The following EPB41L2 variants were observed in gnomAD, a reference collection of about 807,000 sequenced individuals.
The protein encoded by EPB41L2 is erythrocyte membrane protein band 4.1 like 2.
EPB41L2 carries 43 observed loss-of-function variants against 113.0 expected under a neutral mutation model. The observed-to-expected ratio is 0.38, with a 90% CI of 0.30 to 0.49. EPB41L2 has a LOEUF of 0.49. EPB41L2 is among the 20% of genes least tolerant of loss of function. The pLI is 0.95. For synonymous variants in EPB41L2, 442 were observed against 436.7 expected, an observed-to-expected ratio of 1.01 and a Z score of -0.15; for missense variants, 1,147 against 1,223.4, an observed-to-expected ratio of 0.94 and a Z score of 0.93.
intron 1 of EPB41L2, among the ~76,000 whole-genome samples, chr6:131,051,655 A>G (rs1796586352): frequency 6.6e-6 from 1 of 152,162 alleles, no homozygotes; most frequent in African/African-American, 2.4e-5. Context: ...AAGCCCTGAG[A>G]GCCTGAAGAA....
intron 14 of EPB41L2, among the ~76,000 whole-genome samples, chr6:130,877,533 G>A (rs1314244453): frequency 6.6e-6 from 1 of 152,042 alleles, no homozygotes; most frequent in Non-Finnish European, 1.5e-5. Context: ...AGTAAGTGAG[G>A]AGAAATGTTA....
chr6:131,009,452 A>G lies in EPB41L2; in HGVS notation c.-14-52953T>C, dbSNP rs962832731. ...ACCCTTAGCAATTCTCAGAAATCCT[A>G]TGAGAATTCCCTACTCAATCCACAC... On this transcript the variant is annotated intron_variant, in intron 1 of 19. Transcript: ENST00000337057. 7.9e-5 allele frequency among the ~76,000 whole-genome samples: 12 copies of G among 152,110 alleles called. 1 individual carries two copies. The highest frequency in any genetic ancestry group is 1.5e-5 in the Non-Finnish European group (1 of 68,024).
intron 15 of EPB41L2, chr6:130,867,966 ACACACACTCTCTCTCT>A (rs1490369199): frequency 2.2e-4 from 35 of 157,830 alleles, no homozygotes; most frequent in Admixed American, 4.7e-4. Flanking sequence ...ACACACACAC[ACACACACTCTCTCTCT>A]CTCTCTCTCT....
chr6:130,972,795 AGTAAGGTTTG>A (rs1432171722), intron 1 of EPB41L2, among the ~76,000 whole-genome samples: 1 of 152,140 alleles, frequency 6.6e-6, no homozygotes, highest in Non-Finnish European at 1.5e-5. Flanking sequence ...TAGCAGAAAA[AGTAAGGTTTG>A]CAGCCAGGCG....
chr6:130,844,050 G>T (rs1459006649), intron 19 of EPB41L2, among the ~76,000 whole-genome samples: 1 of 152,140 alleles, frequency 6.6e-6, no homozygotes, highest in Non-Finnish European at 1.5e-5. Context: ...TCAGTAAACT[G>T]ATTTCAAAAA....
intron 1 of EPB41L2, among the ~76,000 whole-genome samples, chr6:130,981,986 C>T (rs1283665164): frequency 6.6e-6 from 1 of 151,592 alleles, no homozygotes; most frequent in African/African-American, 2.4e-5. Flanking sequence ...TTTCAAACTA[C>T]TAAGGAATAA....
chr6:130,916,374 G>T (rs1801098136), intron 4 of EPB41L2, among the ~76,000 whole-genome samples: 1 of 151,860 alleles, frequency 6.6e-6, no homozygotes, highest in Admixed American at 6.6e-5. Context: ...CGGGTTCCCA[G>T]AAAAAGTGTT....
chr6:130,874,999 G>A (rs1185012531), intron 14 of EPB41L2, among the ~76,000 whole-genome samples: 1 of 152,126 alleles, frequency 6.6e-6, no homozygotes, highest in Admixed American at 6.5e-5. Flanking sequence ...TTATACACAT[G>A]GAGTCTAATT....
intron 3 of EPB41L2, among the ~76,000 whole-genome samples, chr6:130,943,985 T>A (rs1389239350): frequency 1.3e-5 from 2 of 152,144 alleles, no homozygotes; most frequent in Admixed American, 6.6e-5. Flanking sequence ...TCTATATGGC[T>A]CTCATGCCTA....
intron 1 of EPB41L2, among the ~76,000 whole-genome samples, chr6:130,978,097 T>G (rs1778580032): frequency 6.6e-6 from 1 of 152,242 alleles, no homozygotes; most frequent in South Asian, 2.1e-4. Flanking sequence ...CCCTTCTTTC[T>G]TTTCTCTCCT....
chr6:130,965,649 A>T (rs1262247832), intron 1 of EPB41L2, among the ~76,000 whole-genome samples: 1 of 150,524 alleles, frequency 6.6e-6, no homozygotes, highest in Non-Finnish European at 1.5e-5. Context: ...GTTATCAAAA[A>T]AAAAAAAAAA....
chr6:130,951,057 G>C (rs1463182629), intron 3 of EPB41L2, among the ~76,000 whole-genome samples: 1 of 151,966 alleles, frequency 6.6e-6, no homozygotes, highest in African/African-American at 2.4e-5. Flanking sequence ...AGGAGTTTGA[G>C]ACCAGCCTGG....
Position 130,865,599 on chromosome 6 carries a change from T to A in EPB41L2, c.2766A>T (p.Leu922Phe), listed in dbSNP as rs1305924340. ...DGGAGGDSGT[L>F]LTAQTITSES... ...CAGATGTGATGGTTTGTGCGGTCAG[T>A]AACGTGCCCGAATCACCACCAGCCC... is the stretch of plus-strand genomic sequence containing the variant. The change falls in exon 17 of 20, where the codon TTA becomes TTT. Residue 922 changes from leucine to phenylalanine, a missense_variant. Coordinates refer to ENST00000337057, the MANE Select transcript of EPB41L2 (RefSeq NM_001431.4). 7 of 1,614,158 alleles carry A rather than the reference T, an allele frequency of 4.3e-6. No individual in the cohort carries two copies. The highest frequency in any genetic ancestry group is 5.9e-6 in the Non-Finnish European group (7 of 1,180,014).
chr6:130,845,540 G>A (rs1420400734), intron 19 of EPB41L2, among the ~76,000 whole-genome samples: 1 of 152,014 alleles, frequency 6.6e-6, no homozygotes, highest in African/African-American at 2.4e-5. Flanking sequence ...ATCACACCCA[G>A]CTAATTTTTA....
At position 130,974,717 on chromosome 6, in the gene EPB41L2, C is replaced by CTTTTTTTTTTTTTTTTTT. The variant is rs71030723; in HGVS notation, c.-14-18236_-14-18219dup. 8.7e-4 allele frequency among the ~76,000 whole-genome samples: 56 copies of CTTTTTTTTTTTTTTTTTT among 64,662 alleles called. 1 individual carries two copies. Among genetic ancestry groups the CTTTTTTTTTTTTTTTTTT allele is most frequent in the South Asian group, 2.4e-3 (3 of 1,238 alleles). 42.4% of individuals were successfully genotyped at this position (64,662 alleles called of 152,430 possible). ...GGCAGCCTCTTTTTTCTTTTCTTTT[C>CTTTTTTTTTTTTTTTTTT]TTTTTTTTTTTTTTTTTTTTTTTTT... On this transcript the variant is annotated intron_variant, in intron 1 of 19. Coordinates refer to ENST00000337057, the MANE Select transcript of EPB41L2 (RefSeq NM_001431.4).
chr6:130,994,711 C>T (rs1002519877), intron 1 of EPB41L2, among the ~76,000 whole-genome samples: 6 of 152,124 alleles, frequency 3.9e-5, no homozygotes, highest in Admixed American at 2.6e-4. Flanking sequence ...AGTATAGGTA[C>T]TGTGAAAAAC....
intron 3 of EPB41L2, among the ~76,000 whole-genome samples, chr6:130,953,963 G>A (rs189831490): frequency 3.2e-5 from 4 of 124,068 alleles, no homozygotes; most frequent in African/African-American, 6.3e-5. Flanking sequence ...CCCAGTTGAC[G>A]GTATTTTGTT....
intron 3 of EPB41L2, among the ~76,000 whole-genome samples, chr6:130,927,475 T>C (rs1304076190): frequency 6.6e-6 from 1 of 152,126 alleles, no homozygotes; most frequent in Admixed American, 6.5e-5. Flanking sequence ...TGCACACCCC[T>C]GGAACAACCC....
At chr6:131,001,236 T>G (rs1344822085) in intron 1 of EPB41L2, among the ~76,000 whole-genome samples, 1 of 152,098 alleles carries the variant, frequency 6.6e-6, no homozygotes, top group African/African-American at 2.4e-5. Flanking sequence ...TCCTGACACT[T>G]CCATGGTGAA....
Sources: allele counts gnomAD v4.1 joint callset (sites outside exome capture counted in the v4.1 genomes callset), GRCh38; gene constraint gnomAD v4.1.1; transcripts MANE v1.5; gene names NCBI Gene and HGNC (gene_info 2026-07-23, HGNC 2026-07-21).